The following CFAP299 variants were observed in gnomAD, a reference collection of about 807,000 sequenced individuals.
CFAP299 encodes the protein cilia and flagella associated protein 299, also known as cilia- and flagella-associated protein 299.
Under a neutral mutation model 27.0 loss-of-function variants are expected in CFAP299, and 21 were observed. The observed-to-expected ratio is 0.78, with a 90% CI of 0.55 to 1.12. CFAP299 has a LOEUF of 1.12. Among genes scored for constraint, CFAP299 ranks in the 50% most tolerant of loss-of-function variants. The pLI, the probability that CFAP299 is intolerant of heterozygous loss-of-function variation, is 0.00. For missense variants in CFAP299, 310 were observed against 276.6 expected, an observed-to-expected ratio of 1.12 and a Z score of -0.86; for synonymous variants, 104 against 98.1, an observed-to-expected ratio of 1.06 and a Z score of -0.36.
At chr4:80,390,867 G>A (rs865855325) in intron 2 of CFAP299, among the ~76,000 whole-genome samples, 63 of 70,732 alleles carry the variant, frequency 8.9e-4, no homozygotes, top group East Asian at 1.9e-3. Context: ...ATGTATATGC[G>A]CACATATATG....
chr4:80,748,252 ATAGCCCTCTAAT>A (rs1724733589), intron 3 of CFAP299, among the ~76,000 whole-genome samples: 1 of 152,176 alleles, frequency 6.6e-6, no homozygotes, highest in Admixed American at 6.6e-5. Flanking sequence ...AGATTGATAA[ATAGCCCTCTAAT>A]TAGTCCTCTT....
At chr4:80,740,783 G>A (rs1724213736) in intron 3 of CFAP299, among the ~76,000 whole-genome samples, 1 of 152,278 alleles carries the variant, frequency 6.6e-6, no homozygotes, top group African/African-American at 2.4e-5. Context: ...TTTCCAAAGG[G>A]TGGCCTTTCC....
chr4:80,706,352 C>T (rs13131230), intron 3 of CFAP299, among the ~76,000 whole-genome samples: 13,477 of 151,520 alleles, frequency 0.089, 660 homozygotes, highest in Middle Eastern at 0.2. Flanking sequence ...AAAAAAAAAT[C>T]CCACTTATAT....
At chr4:80,685,574 A>G (rs1310216379) in intron 3 of CFAP299, among the ~76,000 whole-genome samples, 1 of 137,062 alleles carries the variant, frequency 7.3e-6, no homozygotes, top group Non-Finnish European at 1.5e-5. Context: ...TTTAGACCAT[A>G]TGCAGGACAA....
rs143714261 is a variant in CFAP299 at position 80,416,107 on chromosome 4, A to G, written c.242+53223A>G. Among the ~76,000 whole-genome samples the G allele has an allele frequency of 6.2e-4, 95 of 152,340 alleles. No homozygotes were observed. In the East Asian group the frequency reaches 0.016, roughly 26 times the overall value. ...CATCCTTTCCTGAAAAGCTGTTGAAAGCACAAATTGTTATTAGTATACATG... is the reference window on the plus strand; with the variant it reads ...CATCCTTTCCTGAAAAGCTGTTGAAGGCACAAATTGTTATTAGTATACATG... On this transcript the variant is annotated intron_variant, in intron 2 of 5. Transcript: ENST00000358105.
rs115077348 is a variant in CFAP299, at chr4:80,868,189, A to G, written c.334-1804A>G. 7.0e-3 allele frequency among the ~76,000 whole-genome samples: 1,064 copies of G among 152,306 alleles called. 14 individuals are homozygous for G. The highest frequency in any genetic ancestry group is 0.024 in the African/African-American group (989 of 41,572). Reference sequence around the variant, plus strand: ...TAAGAAGCCATTATTGTTGTTTTATACAGTCAATATTTGTTTCTATGTACC... The same window carrying G: ...TAAGAAGCCATTATTGTTGTTTTATGCAGTCAATATTTGTTTCTATGTACC... On this transcript the variant is annotated intron_variant, in intron 3 of 5. Coordinates refer to ENST00000358105, the MANE Select transcript of CFAP299 (RefSeq NM_152770.3).
chr4:80,725,164 C>G (rs558016740), intron 3 of CFAP299, among the ~76,000 whole-genome samples: 1 of 135,476 alleles, frequency 7.4e-6, no homozygotes, highest in Non-Finnish European at 1.5e-5. Context: ...CCACGTTGGC[C>G]AGGCTGGTCT....
chr4:80,690,054 T>C (rs1720551228), intron 3 of CFAP299, among the ~76,000 whole-genome samples: 1 of 148,728 alleles, frequency 6.7e-6, no homozygotes, highest in Non-Finnish European at 1.5e-5. Flanking sequence ...AAGTCCTGAG[T>C]GACCTACAAA....
chr4:80,387,259 C>T, intron 2 of CFAP299: 1 of 1,607,034 alleles, frequency 6.2e-7, no homozygotes, highest in Non-Finnish European at 8.5e-7. Flanking sequence ...CGGGGTAGCT[C>T]AGCTCCTCCT....
chr4:80,793,129 A>G (rs74674175), intron 3 of CFAP299, among the ~76,000 whole-genome samples: 2,763 of 143,294 alleles, frequency 0.019, 59 homozygotes, highest in East Asian at 0.062. Context: ...GTGTGTGTGT[A>G]TGGTAGTTTA....
At chr4:80,508,533 C>T (rs982510044) in intron 2 of CFAP299, among the ~76,000 whole-genome samples, 1 of 152,148 alleles carries the variant, frequency 6.6e-6, no homozygotes, top group African/African-American at 2.4e-5. Context: ...ATTCTCCTCA[C>T]TTTTTCAGCT....
intron 3 of CFAP299, among the ~76,000 whole-genome samples, chr4:80,736,468 A>G (rs1379549786): frequency 1.3e-5 from 2 of 149,822 alleles, no homozygotes; most frequent in Admixed American, 6.7e-5. Flanking sequence ...AATTTACAAG[A>G]AAAAAAAAAC....
chr4:80,892,228 C>T (rs1734343748), intron 4 of CFAP299, among the ~76,000 whole-genome samples: 2 of 152,016 alleles, frequency 1.3e-5, no homozygotes, highest in South Asian at 4.2e-4. Flanking sequence ...ACTCATTTTC[C>T]ACCGTGGTGC....
intron 3 of CFAP299, among the ~76,000 whole-genome samples, chr4:80,763,753 C>T (rs761074527): frequency 2.8e-4 from 43 of 152,146 alleles, no homozygotes; most frequent in Non-Finnish European, 5.4e-4. Flanking sequence ...GGTACCAAAA[C>T]AGATACATAG....
chr4:80,360,884 G>C (rs1336966048), intron 1 of CFAP299, among the ~76,000 whole-genome samples: 1 of 152,112 alleles, frequency 6.6e-6, no homozygotes, highest in East Asian at 1.9e-4. Context: ...TTTCTTTGTG[G>C]CCCTTACATA....
At chr4:80,509,488 T>C (rs1732193294) in intron 2 of CFAP299, among the ~76,000 whole-genome samples, 2 of 152,190 alleles carry the variant, frequency 1.3e-5, no homozygotes, top group South Asian at 4.1e-4. Flanking sequence ...GTCAAGAATA[T>C]GTTGTCATAT....
At chr4:80,599,958 A>G (rs1418985578) in intron 3 of CFAP299, among the ~76,000 whole-genome samples, 1 of 152,128 alleles carries the variant, frequency 6.6e-6, no homozygotes, top group Non-Finnish European at 1.5e-5. Context: ...AAAAAGCTGA[A>G]ATTTATCAGA....
chr4:80,772,234 T>C (rs545410433), intron 3 of CFAP299, among the ~76,000 whole-genome samples: 126 of 152,304 alleles, frequency 8.3e-4, no homozygotes, highest in African/African-American at 2.9e-3. Context: ...TCCTTTGCTT[T>C]ACAAAACGTG....
intron 3 of CFAP299, among the ~76,000 whole-genome samples, chr4:80,646,819 G>A (rs1372187050): frequency 1.3e-5 from 2 of 152,034 alleles, no homozygotes; most frequent in Admixed American, 6.6e-5. Context: ...ACCATATTTA[G>A]TTGTGCTAAT....
Sources: gnomAD v4.1 joint callset for allele counts (sites outside exome capture counted in the v4.1 genomes callset) on GRCh38, gnomAD v4.1.1 for gene constraint, MANE v1.5 for transcripts, NCBI Gene and HGNC (gene_info 2026-07-23, HGNC 2026-07-21) for gene names.